BGN: variants seen among roughly 807,000 people sequenced by gnomAD.
The protein encoded by BGN is bone/cartilage proteoglycan-I.
Under a neutral mutation model 20.0 loss-of-function variants are expected in BGN, and 6 were observed. The ratio of observed to expected loss-of-function variants is 0.30; its 90% CI spans 0.16 to 0.59. The LOEUF is 0.59. Ranked by LOEUF, BGN falls within the 20% of genes least tolerant of loss-of-function variation. The probability of loss-of-function intolerance (pLI) is 0.88; values close to 1 mark genes in which losing one functional copy is unlikely to be tolerated. For synonymous variants in BGN, 146 were observed against 134.6 expected (o/e 1.08, Z -0.59); for missense variants, 292 against 312.1 (o/e 0.94, Z 0.49).
chrX:153,502,948 C>T (rs1296896485), intron 1 of BGN, among the ~76,000 whole-genome samples: 4 of 112,417 alleles, frequency 3.6e-5, no homozygotes, highest in Non-Finnish European at 1.9e-5. Context: ...TGGGAGGGCG[C>T]ATGGGTGGCT....
At chrX:153,504,508 G>A (rs980861139) in intron 1 of BGN, 113 bp from the exon 2 acceptor site, 22 of 644,117 alleles carry the variant, frequency 3.4e-5, no homozygotes, top group African/African-American at 1.1e-4. Context: ...GGGTCTGGCC[G>A]TCCCTGGTGA....
intron 1 of BGN, among the ~76,000 whole-genome samples, chrX:153,500,962 A>G (rs1336997480): frequency 9.0e-6 from 1 of 111,022 alleles, no homozygotes; most frequent in Non-Finnish European, 1.9e-5. Flanking sequence ...ATGGGTATGC[A>G]TGTGTGAGTG....
At chrX:153,508,226 G>C (rs1286762778) in intron 7 of BGN, 22 bp from the exon 8 acceptor site, 9 of 1,207,146 alleles carry the variant, frequency 7.5e-6, no homozygotes, top group Non-Finnish European at 1.0e-5. Context: ...GGCCTGCCGT[G>C]ACCCGGCCTC....
intron 1 of BGN, among the ~76,000 whole-genome samples, chrX:153,501,136 A>C (rs782703850): frequency 9.2e-5 from 10 of 108,455 alleles, no homozygotes; most frequent in Non-Finnish European, 1.3e-4. Flanking sequence ...TGTTTTGTAT[A>C]GGTGTGTGCG....
intron 1 of BGN, among the ~76,000 whole-genome samples, chrX:153,497,924 C>A (rs1164332195): frequency 1.8e-5 from 2 of 112,543 alleles, no homozygotes; most frequent in Admixed American, 9.3e-5. Context: ...TAGGTCAGAG[C>A]AGCCTCTGGG....
intron 1 of BGN, among the ~76,000 whole-genome samples, chrX:153,501,955 G>A (rs2089763660): frequency 1.8e-5 from 2 of 112,120 alleles, no homozygotes; most frequent in Non-Finnish European, 3.8e-5. Flanking sequence ...CCCACAGCTG[G>A]TCCCGGGAAC....
In BGN at chrX:153,508,544, C is replaced by T; in HGVS notation, c.*99C>T. Reference sequence around the variant, plus strand: ...AGAGCCAGGAAGCTAAGCCAGGGCCCAGCTGCGTCCAACCCAGCCCCCCAC... The same window carrying T: ...AGAGCCAGGAAGCTAAGCCAGGGCCTAGCTGCGTCCAACCCAGCCCCCCAC... On this transcript the variant is annotated 3_prime_UTR_variant, in exon 8 of 8. Transcript: ENST00000331595. 1 of 984,230 alleles carries T rather than the reference C, an allele frequency of 1.0e-6. No individual in the cohort carries two copies. Among genetic ancestry groups the T allele is most frequent in the Non-Finnish European group, 1.4e-6 (1 of 723,385 alleles). 81.1% of individuals were successfully genotyped at this position (984,230 alleles called of 1,213,427 possible). A position where few individuals can be genotyped will look rare whatever the true frequency, so the allele number is the denominator to read the frequency against.
chrX:153,508,279 A>G lies in BGN; in HGVS notation c.941A>G (p.Lys314Arg). The change falls in exon 8 of 8, where the codon AAA becomes AGA. Residue 314 changes from lysine to arginine, a missense_variant. Physicochemically the swap from Lys to Arg is conservative, Grantham distance 26 (BLOSUM62 2). Transcript: ENST00000331595. The part of the protein sequence containing the change: ...VVYLHSNNIT[K>R]VGVNDFCPMG... Reference sequence around the variant, plus strand: ...TATCTGCACTCCAACAACATCACCAAAGTGGGTGTCAACGACTTCTGTCCC... The same window carrying G: ...TATCTGCACTCCAACAACATCACCAGAGTGGGTGTCAACGACTTCTGTCCC... 1.7e-6 allele frequency: 2 copies of G among 1,211,756 alleles called. No homozygotes were observed. Among genetic ancestry groups the G allele is most frequent in the Non-Finnish European group, 1.1e-6 (1 of 895,497 alleles).
intron 1 of BGN, among the ~76,000 whole-genome samples, chrX:153,502,703 G>A (rs2089769291): frequency 8.8e-6 from 1 of 113,164 alleles, no homozygotes; most frequent in Admixed American, 9.2e-5. Flanking sequence ...AAGAATGAGG[G>A]AGGCTCGGTG....
intron 7 of BGN, 148 bp downstream of exon 7, chrX:153,507,333 G>A: frequency 1.2e-6 from 1 of 833,985 alleles, no homozygotes; most frequent in South Asian, 2.9e-5. Context: ...CCCAGCTGGT[G>A]CTGAGGAGGC....
intron 7 of BGN, 144 bp downstream of exon 7, chrX:153,507,329 T>A: frequency 1.2e-6 from 1 of 845,582 alleles, no homozygotes; most frequent in South Asian, 2.8e-5. Context: ...TGCTCCCAGC[T>A]GGTGCTGAGG....
chrX:153,497,255 G>A lies in BGN; in HGVS notation c.-12+2142G>A, dbSNP rs782093306. On this transcript the variant is annotated intron_variant, in intron 1 of 7. Transcript: ENST00000331595. Reference sequence around the variant, plus strand: ...CACCGAGCCCCCGACAGGCCTGGGAGCCCCACTGGTGGGTGGGGACCCACC... The same window carrying A: ...CACCGAGCCCCCGACAGGCCTGGGAACCCCACTGGTGGGTGGGGACCCACC... 2.7e-3 allele frequency among the ~76,000 whole-genome samples: 288 copies of A among 107,428 alleles called. 1 individual carries two copies. Among genetic ancestry groups the A allele is most frequent in the African/African-American group, 9.3e-3 (271 of 29,099 alleles). The allele number at this position is 107,428 out of a possible 115,157, so 93.3% of individuals were successfully genotyped here.
chrX:153,503,645 G>A (rs2089776851), intron 1 of BGN, among the ~76,000 whole-genome samples: 1 of 111,853 alleles, frequency 8.9e-6, no homozygotes, highest in African/African-American at 3.3e-5. Flanking sequence ...GAGGGAGGAG[G>A]CAAGCAGAGG....
chrX:153,505,088 T>C lies in BGN; in HGVS notation c.239-150T>C, dbSNP rs782418197. On this transcript the variant is annotated intron_variant, in intron 2 of 7. Transcript: ENST00000331595. ...AGTGTCCCTGTGTGTGTGTCCCCGGTCCTCCCTACCAGTGGGGCTAGTCGG... is the reference window on the plus strand; with the variant it reads ...AGTGTCCCTGTGTGTGTGTCCCCGGCCCTCCCTACCAGTGGGGCTAGTCGG... The C allele has an allele frequency of 8.8e-6, 5 of 565,349 alleles. No individual in the cohort carries two copies. The Admixed American group carries it at 9.7e-5, about 11-fold the overall frequency. The allele number at this position is 565,349 out of a possible 1,213,427, so 46.6% of individuals were successfully genotyped here. A position where few individuals can be genotyped will look rare whatever the true frequency, so the allele number is the denominator to read the frequency against.
intron 1 of BGN, among the ~76,000 whole-genome samples, chrX:153,497,576 T>C (rs2089728295): frequency 8.9e-6 from 1 of 112,202 alleles, no homozygotes; most frequent in Non-Finnish European, 1.9e-5. Context: ...GCAGAGGGGC[T>C]GCGCTGTGGG....
In BGN at chrX:153,508,702, G is replaced by C; in HGVS notation, c.*257G>C. On this transcript the variant is annotated 3_prime_UTR_variant, in exon 8 of 8. Coordinates refer to ENST00000331595, the MANE Select transcript of BGN (RefSeq NM_001711.6). ...GAGCTGCCCCTGCTCTCCCACCACA[G>C]CCACCCAGAGGCACCCCATGAAGCT... 1 of 414,920 alleles carries C rather than the reference G, an allele frequency of 2.4e-6. No homozygotes were observed. The highest frequency in any genetic ancestry group is 4.1e-5 in the East Asian group (1 of 24,573). The allele number at this position is 414,920 out of a possible 1,213,427, so 34.2% of individuals were successfully genotyped here.
chrX:153,496,218 C>T (rs1438927901), intron 1 of BGN, among the ~76,000 whole-genome samples: 4 of 112,588 alleles, frequency 3.6e-5, no homozygotes, highest in Non-Finnish European at 5.6e-5. Flanking sequence ...TCTGGGCCCT[C>T]GCCCCTCCCT....
At chrX:153,497,141 C>T (rs1232566674) in intron 1 of BGN, among the ~76,000 whole-genome samples, 3 of 103,585 alleles carry the variant, frequency 2.9e-5, no homozygotes, top group African/African-American at 1.1e-4. Context: ...GAAATGTCTT[C>T]CCATGCCCAC....
At chrX:153,505,728 C>A in intron 3 of BGN, 135 bp from the exon 4 acceptor site, 1 of 547,053 alleles carries the variant, frequency 1.8e-6, no homozygotes, top group Non-Finnish European at 3.0e-6. Context: ...CTGCCTCCTG[C>A]CCTGCACTCT....
Sources: allele counts gnomAD v4.1 joint callset (sites outside exome capture counted in the v4.1 genomes callset), GRCh38; gene constraint gnomAD v4.1.1; transcripts MANE v1.5; gene names NCBI Gene and HGNC (gene_info 2026-07-23, HGNC 2026-07-21).